CENPC: variants seen among roughly 807,000 people sequenced by gnomAD.
CENPC encodes CENP-C 1.
CENPC carries 63 observed loss-of-function variants against 112.1 expected under a neutral mutation model. That is an observed-to-expected ratio of 0.56 (90% CI 0.46 to 0.69). The LOEUF is 0.69. CENPC is among the 30% of genes least tolerant of loss of function. The probability of loss-of-function intolerance (pLI) is 0.00; values close to 1 mark genes in which losing one functional copy is unlikely to be tolerated. For synonymous variants in CENPC, 333 were observed against 367.6 expected (o/e 0.91, Z 1.08); for missense variants, 1,000 against 1,103.8 (o/e 0.91, Z 1.33).
chr4:67,499,773 C>G (rs953707877), intron 12 of CENPC, among the ~76,000 whole-genome samples: 3 of 152,208 alleles, frequency 2.0e-5, no homozygotes, highest in Non-Finnish European at 2.9e-5. Context: ...AGCTTCTGGA[C>G]TATCTCGGTT....
At chr4:67,530,425 CTT>C (rs201951277) in intron 5 of CENPC, among the ~76,000 whole-genome samples, 1 of 144,552 alleles carries the variant, frequency 6.9e-6, no homozygotes, top group African/African-American at 2.5e-5. Context: ...AACACACATG[CTT>C]TTTTTTTTTT....
chr4:67,495,186 G>T lies in CENPC; in HGVS notation c.2158C>A (p.Pro720Thr). Residue 720 changes from proline to threonine, a missense_variant, in exon 13 of 19, where the codon CCA becomes ACA. Physicochemically the swap from Pro to Thr is conservative, Grantham distance 38. Coordinates refer to ENST00000273853, the MANE Select transcript of CENPC (RefSeq NM_001812.4). ...SDDSKQSKVI[P>T]KNRIHHKLVL... ...AGTTTGTGATGGATTCTGTTCTTTG[G>T]TATCACTTTAGATTGTTTTGAGTCA... is the stretch of plus-strand genomic sequence containing the variant. 1 of 1,531,182 alleles carries T rather than the reference G, an allele frequency of 6.5e-7. No individual in the cohort carries two copies. Among genetic ancestry groups the T allele is most frequent in the Non-Finnish European group, 8.8e-7 (1 of 1,140,374 alleles). 94.8% of individuals were successfully genotyped at this position (1,531,182 alleles called of 1,614,324 possible). A position where few individuals can be genotyped will look rare whatever the true frequency, so the allele number is the denominator to read the frequency against.
intron 10 of CENPC, among the ~76,000 whole-genome samples, chr4:67,507,865 G>A (rs376175237): frequency 8.5e-5 from 13 of 152,088 alleles, no homozygotes; most frequent in African/African-American, 2.7e-4. Context: ...AAAAGAGAGA[G>A]AAAAGCAGAG....
intron 12 of CENPC, among the ~76,000 whole-genome samples, chr4:67,501,810 A>G (rs1318787485): frequency 2.6e-5 from 4 of 152,222 alleles, no homozygotes; most frequent in South Asian, 4.1e-4. Flanking sequence ...GATGTATGAT[A>G]ATAGACGTGT....
At chr4:67,527,776 T>C (rs765385794) in intron 5 of CENPC, among the ~76,000 whole-genome samples, 2 of 151,954 alleles carry the variant, frequency 1.3e-5, no homozygotes, top group African/African-American at 2.4e-5. Context: ...GCTGGAACTA[T>C]AGGCCTACGC....
chr4:67,489,390 T>C (rs1204633983), intron 17 of CENPC, among the ~76,000 whole-genome samples: 1 of 130,088 alleles, frequency 7.7e-6, no homozygotes, highest in African/African-American at 2.8e-5. Context: ...GTATATTATT[T>C]AGCACTTACT....
chr4:67,541,555 C>A (rs1024903579), intron 2 of CENPC, among the ~76,000 whole-genome samples: 1 of 151,934 alleles, frequency 6.6e-6, no homozygotes. Flanking sequence ...TAATACAGAC[C>A]CCTTGTTCAC....
intron 12 of CENPC, among the ~76,000 whole-genome samples, chr4:67,495,519 C>A (rs976066949): frequency 6.6e-6 from 1 of 151,998 alleles, no homozygotes; most frequent in African/African-American, 2.4e-5. Context: ...CTGTCTCTGG[C>A]GACAAGTGGA....
intron 9 of CENPC, among the ~76,000 whole-genome samples, chr4:67,510,254 G>T (rs1305573235): frequency 2.6e-5 from 4 of 152,116 alleles, no homozygotes; most frequent in Non-Finnish European, 5.9e-5. Context: ...CTCTGCTCCA[G>T]ATCTCTGCAC....
intron 17 of CENPC, among the ~76,000 whole-genome samples, chr4:67,484,151 T>C (rs1725025566): frequency 6.6e-6 from 1 of 152,210 alleles, no homozygotes; most frequent in Non-Finnish European, 1.5e-5. Flanking sequence ...TGCCACATTT[T>C]TATTGTACTT....
intron 12 of CENPC, among the ~76,000 whole-genome samples, chr4:67,496,133 C>T (rs942894059): frequency 2.0e-5 from 3 of 152,164 alleles, no homozygotes; most frequent in African/African-American, 7.2e-5. Context: ...TGTGAGGAAA[C>T]CTCATGTGGC....
At chr4:67,509,285 A>G (rs1725830862) in intron 9 of CENPC, among the ~76,000 whole-genome samples, 180 bp from the exon 10 acceptor site, 1 of 151,530 alleles carries the variant, frequency 6.6e-6, no homozygotes, top group Non-Finnish European at 1.5e-5. Context: ...TCCAAATTAA[A>G]TTCTTTAAAC....
chr4:67,544,078 C>T (rs892098495), intron 2 of CENPC, 71 bp downstream of exon 2: 1 of 797,632 alleles, frequency 1.3e-6, no homozygotes, highest in Non-Finnish European at 2.1e-6. Flanking sequence ...GATAGTTTTT[C>T]CTTTCTTCAT....
intron 4 of CENPC, 42 bp from the exon 5 acceptor site, chr4:67,530,956 C>A: frequency 1.0e-6 from 1 of 967,374 alleles, no homozygotes; most frequent in Admixed American, 2.9e-5. Context: ...ATTTTATTAA[C>A]TTACCAATTC....
At chr4:67,531,308 A>G (rs1028231324) in intron 4 of CENPC, among the ~76,000 whole-genome samples, 8 of 152,222 alleles carry the variant, frequency 5.3e-5, no homozygotes, top group African/African-American at 9.6e-5. Flanking sequence ...GCAGAAGTAC[A>G]TAACAATCTT....
chr4:67,506,512 C>G (rs1445204556), intron 11 of CENPC, among the ~76,000 whole-genome samples: 2 of 152,112 alleles, frequency 1.3e-5, no homozygotes, highest in Non-Finnish European at 2.9e-5. Flanking sequence ...GAACTGGGGT[C>G]TCCAGCCAAC....
rs77716374 is a variant in CENPC at position 67,491,511 on chromosome 4, A to G, written c.2515+669T>C. ...GAGAGAGAGAGAGAGAGAGAGAGAG[A>G]GAGAGAGAGAGAGAGAGCCTGGTTG... is the stretch of plus-strand genomic sequence containing the variant. On this transcript the variant is annotated intron_variant, in intron 16 of 18. Coordinates refer to ENST00000273853, the MANE Select transcript of CENPC (RefSeq NM_001812.4). 8.7e-3 allele frequency among the ~76,000 whole-genome samples: 997 copies of G among 114,040 alleles called. 10 individuals carry two copies. Among genetic ancestry groups the G allele is most frequent in the East Asian group, 0.066 (116 of 1,752 alleles). The allele number at this position is 114,040 out of a possible 152,430, so 74.8% of individuals were successfully genotyped here. A position where few individuals can be genotyped will look rare whatever the true frequency, so the allele number is the denominator to read the frequency against.
chr4:67,525,899 T>C (rs1726362585), intron 5 of CENPC, among the ~76,000 whole-genome samples: 2 of 152,182 alleles, frequency 1.3e-5, no homozygotes, highest in Admixed American at 1.3e-4. Flanking sequence ...CTATTTACAA[T>C]AGCAAAGACT....
rs1726464008 is a variant in CENPC, at chr4:67,528,946, AG to A, written c.331+1868del. 2.6e-5 allele frequency among the ~76,000 whole-genome samples: 4 copies of A among 152,234 alleles called. No individual in the cohort carries two copies. The Middle Eastern group carries it at 0.01, about 388-fold the overall frequency. On this transcript the variant is annotated intron_variant, in intron 5 of 18. Coordinates refer to ENST00000273853, the MANE Select transcript of CENPC (RefSeq NM_001812.4). ...TTTACATTCCCACCAGTGATGCATG[AG>A]GGTTTTAATTTATCCGTATCTTCAA...
Sources: gnomAD v4.1 joint callset for allele counts (sites outside exome capture counted in the v4.1 genomes callset) on GRCh38, gnomAD v4.1.1 for gene constraint, MANE v1.5 for transcripts, NCBI Gene and HGNC (gene_info 2026-07-23, HGNC 2026-07-21) for gene names.